The following FOXN3 variants were observed in gnomAD, a reference collection of about 807,000 sequenced individuals.
The protein encoded by FOXN3 is forkhead box N3.
A neutral mutation model predicts 38.4 loss-of-function variants in FOXN3; 7 were observed. The observed-to-expected ratio is 0.18, with a 90% CI of 0.10 to 0.34. The LOEUF is 0.34. FOXN3 is among the 10% of genes least tolerant of loss of function. The probability of loss-of-function intolerance (pLI) is 1.00; values close to 1 mark genes in which losing one functional copy is unlikely to be tolerated. For missense variants in FOXN3, 456 were observed against 613.4 expected (o/e 0.74, Z 2.71); for synonymous variants, 230 against 242.2 (o/e 0.95, Z 0.47).
chr14:89,253,650 T>C (rs2139882324), intron 4 of FOXN3, among the ~76,000 whole-genome samples: 1 of 152,290 alleles, frequency 6.6e-6, no homozygotes, highest in African/African-American at 2.4e-5. Context: ...AATTCAATCC[T>C]GTTTTAAAAA....
At chr14:89,549,303 T>C (rs919368644) in intron 1 of FOXN3, among the ~76,000 whole-genome samples, 3 of 151,952 alleles carry the variant, frequency 2.0e-5, no homozygotes, top group Non-Finnish European at 4.4e-5. Context: ...ACATTTTCTT[T>C]TGAAATGTTA....
At chr14:89,377,054 A>AAAAAAAATT (rs1890502763) in intron 2 of FOXN3, among the ~76,000 whole-genome samples, 1 of 133,264 alleles carries the variant, frequency 7.5e-6, no homozygotes, top group Non-Finnish European at 1.6e-5. Context: ...AAAAAAAAAA[A>AAAAAAAATT]GCTTGAGCCT....
At chr14:89,606,370 T>C (rs1321338925) in intron 1 of FOXN3, among the ~76,000 whole-genome samples, 1 of 151,920 alleles carries the variant, frequency 6.6e-6, no homozygotes, top group East Asian at 1.9e-4. Flanking sequence ...TGCCAGATAA[T>C]AGAAAAACTC....
intron 2 of FOXN3, among the ~76,000 whole-genome samples, chr14:89,408,275 ATT>A (rs558572660): frequency 1.4e-5 from 2 of 144,914 alleles, no homozygotes; most frequent in African/African-American, 2.5e-5. Flanking sequence ...GAAAACGGGA[ATT>A]TTTTTTTTTT....
intron 2 of FOXN3, among the ~76,000 whole-genome samples, chr14:89,387,261 A>G (rs1346957691): frequency 6.6e-6 from 1 of 152,136 alleles, no homozygotes. Flanking sequence ...GTCTCAATCA[A>G]TCAATCAATC....
chr14:89,409,660 T>C (rs560471583), intron 2 of FOXN3, among the ~76,000 whole-genome samples: 215 of 152,348 alleles, frequency 1.4e-3, no homozygotes, highest in Non-Finnish European at 2.8e-3. Flanking sequence ...AGCAGCACTT[T>C]CTTCTCCACG....
chr14:89,585,361 T>C (rs999512479), intron 1 of FOXN3, among the ~76,000 whole-genome samples: 1 of 152,258 alleles, frequency 6.6e-6, no homozygotes, highest in African/African-American at 2.4e-5. Context: ...CTGCCATTTC[T>C]AACTTTCTAC....
At chr14:89,592,417 T>C (rs1404464839) in intron 1 of FOXN3, among the ~76,000 whole-genome samples, 5 of 152,158 alleles carry the variant, frequency 3.3e-5, no homozygotes, top group African/African-American at 1.2e-4. Context: ...GAATGACTTA[T>C]AAAGACACAA....
chr14:89,241,395 G>A (rs959535469), intron 4 of FOXN3, among the ~76,000 whole-genome samples: 2 of 152,266 alleles, frequency 1.3e-5, no homozygotes, highest in African/African-American at 2.4e-5. Flanking sequence ...TGGCCACCGT[G>A]AGCTTGTGAA....
intron 1 of FOXN3, among the ~76,000 whole-genome samples, chr14:89,555,344 T>C (rs1051335998): frequency 2.0e-5 from 3 of 152,218 alleles, no homozygotes; most frequent in Admixed American, 6.5e-5. Flanking sequence ...TATCAACTTA[T>C]ACTGCCATCA....
intron 2 of FOXN3, chr14:89,351,346 C>T (rs1888963664): frequency 6.6e-6 from 1 of 152,194 alleles, no homozygotes; most frequent in Non-Finnish European, 1.5e-5. Flanking sequence ...GAATAGAATT[C>T]TGTAATTACC....
At chr14:89,241,428 G>A (rs944631490) in intron 4 of FOXN3, among the ~76,000 whole-genome samples, 1 of 152,110 alleles carries the variant, frequency 6.6e-6, no homozygotes, top group African/African-American at 2.4e-5. Flanking sequence ...AGCCACCATG[G>A]TGGCTGAATG....
chr14:89,545,646 A>G (rs1040938111), intron 1 of FOXN3, among the ~76,000 whole-genome samples: 5 of 152,338 alleles, frequency 3.3e-5, no homozygotes, highest in African/African-American at 4.8e-5. Context: ...AACTTGATGG[A>G]AACTGATAAA....
intron 2 of FOXN3, among the ~76,000 whole-genome samples, chr14:89,407,439 T>C (rs1284096088): frequency 6.6e-6 from 1 of 152,236 alleles, no homozygotes; most frequent in Non-Finnish European, 1.5e-5. Flanking sequence ...ATTGTTCATT[T>C]TGTTAGGGGG....
intron 4 of FOXN3, among the ~76,000 whole-genome samples, chr14:89,242,313 C>CATAT (rs35761572): frequency 0.16 from 23,966 of 149,912 alleles, 2,004 homozygotes; most frequent in Middle Eastern, 0.22. Context: ...TCCCTGCCCT[C>CATAT]ATATATATAT....
At chr14:89,339,013 T>C (rs1888541183) in intron 3 of FOXN3, among the ~76,000 whole-genome samples, 1 of 152,166 alleles carries the variant, frequency 6.6e-6, no homozygotes, top group Non-Finnish European at 1.5e-5. Flanking sequence ...TGTTGGTTTG[T>C]TTTTGAGACA....
At chr14:89,173,821 T>C (rs1341668639) in intron 5 of FOXN3, among the ~76,000 whole-genome samples, 10 of 152,122 alleles carry the variant, frequency 6.6e-5, no homozygotes, top group Admixed American at 5.2e-4. Flanking sequence ...CAAGATGCCA[T>C]CTTTACAAAA....
chr14:89,557,704 A>G (rs1237138751), intron 1 of FOXN3, among the ~76,000 whole-genome samples: 1 of 152,162 alleles, frequency 6.6e-6, no homozygotes, highest in African/African-American at 2.4e-5. Context: ...GTCTCATGTT[A>G]TGCAAGAATG....
chr14:89,540,494 G>A, intron 1 of FOXN3, among the ~76,000 whole-genome samples: 1 of 152,166 alleles, frequency 6.6e-6, no homozygotes, highest in Admixed American at 6.5e-5. Context: ...CAGCACTCTG[G>A]GAAGCCAAGG....
Sources: allele counts gnomAD v4.1 joint callset (sites outside exome capture counted in the v4.1 genomes callset), GRCh38; gene constraint gnomAD v4.1.1; transcripts MANE v1.5; gene names NCBI Gene and HGNC (gene_info 2026-07-23, HGNC 2026-07-21).